Variants in ERC2 observed in about 807,000 individuals in gnomAD.
ERC2 encodes ELKS/RAB6-interacting/CAST family member 2.
ERC2 carries 42 observed loss-of-function variants against 114.8 expected under a neutral mutation model. The ratio of observed to expected loss-of-function variants is 0.37; its 90% CI spans 0.29 to 0.47. The LOEUF is 0.47. Ranked by LOEUF, ERC2 falls within the 20% of genes least tolerant of loss-of-function variation. The pLI, the probability that ERC2 is intolerant of heterozygous loss-of-function variation, is 0.99. For synonymous variants in ERC2, 454 were observed against 425.5 expected (o/e 1.07, Z -0.82); for missense variants, 939 against 1,150.7 (o/e 0.82, Z 2.66).
chr3:56,382,215 C>T (rs570600400), intron 2 of ERC2, among the ~76,000 whole-genome samples: 1 of 152,092 alleles, frequency 6.6e-6, no homozygotes, highest in East Asian at 1.9e-4. Flanking sequence ...CCATAGTAGC[C>T]CCTCCTCTTG....
chr3:56,137,384 T>C (rs1247719733), intron 6 of ERC2, among the ~76,000 whole-genome samples: 1 of 151,818 alleles, frequency 6.6e-6, no homozygotes, highest in East Asian at 1.9e-4. Flanking sequence ...ATGAATGCTC[T>C]AGAACAGCTG....
intron 2 of ERC2, among the ~76,000 whole-genome samples, chr3:56,414,501 T>A (rs926527391): frequency 6.6e-6 from 1 of 152,062 alleles, no homozygotes; most frequent in African/African-American, 2.4e-5. Context: ...GGTAGGTGGA[T>A]CACGAGGTCA....
intron 6 of ERC2, among the ~76,000 whole-genome samples, chr3:56,083,170 G>T (rs2077326847): frequency 6.6e-6 from 1 of 152,152 alleles, no homozygotes; most frequent in African/African-American, 2.4e-5. Flanking sequence ...ATCAGTAAAT[G>T]AATGGATAAA....
intron 12 of ERC2, among the ~76,000 whole-genome samples, chr3:55,960,881 T>A (rs1417746048): frequency 2.0e-5 from 3 of 152,260 alleles, no homozygotes; most frequent in Non-Finnish European, 4.4e-5. Context: ...ATGCCTGTAA[T>A]CCTAGCACTT....
chr3:56,149,255 G>T, intron 4 of ERC2, 123 bp from the exon 5 acceptor site: 1 of 885,886 alleles, frequency 1.1e-6, no homozygotes, highest in Non-Finnish European at 1.7e-6. Context: ...GGTATAGACA[G>T]CCCTGAATTT....
At chr3:56,033,352 T>C (rs1443113345) in intron 7 of ERC2, among the ~76,000 whole-genome samples, 1 of 152,248 alleles carries the variant, frequency 6.6e-6, no homozygotes, top group Admixed American at 6.5e-5. Flanking sequence ...TATGTTCCAC[T>C]ATTACAGTTT....
At chr3:56,314,677 T>C (rs374824978) in intron 2 of ERC2, among the ~76,000 whole-genome samples, 3 of 152,254 alleles carry the variant, frequency 2.0e-5, no homozygotes, top group African/African-American at 7.2e-5. Flanking sequence ...TGCCACAAGC[T>C]GGTACATGCA....
At chr3:56,409,801 C>T (rs528927676) in intron 2 of ERC2, among the ~76,000 whole-genome samples, 259 of 152,344 alleles carry the variant, frequency 1.7e-3, no homozygotes, top group African/African-American at 6.0e-3. Flanking sequence ...CTAGAAGATT[C>T]CAGCCCTCTT....
intron 17 of ERC2, among the ~76,000 whole-genome samples, chr3:55,682,164 T>C (rs1279273932): frequency 6.6e-6 from 1 of 152,258 alleles, no homozygotes. Flanking sequence ...TTAGCTTTTC[T>C]CTGTGAGTAA....
intron 7 of ERC2, among the ~76,000 whole-genome samples, chr3:56,040,693 TAG>T (rs1169694859): frequency 1.3e-4 from 18 of 142,060 alleles, no homozygotes; most frequent in African/African-American, 3.9e-4. Context: ...TATCTCTATA[TAG>T]AGAGAGATAT....
intron 4 of ERC2, among the ~76,000 whole-genome samples, chr3:56,150,714 CCAGT>C (rs2081370516): frequency 6.6e-6 from 1 of 152,072 alleles, no homozygotes; most frequent in Admixed American, 6.6e-5. Flanking sequence ...GTATATTCTG[CCAGT>C]ATTTTTCTAT....
intron 2 of ERC2, among the ~76,000 whole-genome samples, chr3:56,353,752 T>A (rs981004793): frequency 6.6e-6 from 1 of 151,616 alleles, no homozygotes; most frequent in African/African-American, 2.4e-5. Context: ...CATGTATACA[T>A]ATGTAACAAA....
intron 3 of ERC2, among the ~76,000 whole-genome samples, chr3:56,189,141 T>C (rs1282518263): frequency 6.6e-6 from 1 of 152,152 alleles, no homozygotes. Flanking sequence ...TGGGCCCACA[T>C]CTGTCATTCT....
intron 14 of ERC2, among the ~76,000 whole-genome samples, chr3:55,753,534 A>G (rs1275426693): frequency 6.6e-6 from 1 of 152,200 alleles, no homozygotes; most frequent in Non-Finnish European, 1.5e-5. Flanking sequence ...GTGATGGTGC[A>G]ATTGGATTCA....
chr3:55,688,263 A>G (rs1199617990), intron 16 of ERC2, among the ~76,000 whole-genome samples: 1 of 152,190 alleles, frequency 6.6e-6, no homozygotes, highest in African/African-American at 2.4e-5. Flanking sequence ...CAGGTTAGAA[A>G]GAGTGCTGAC....
intron 7 of ERC2, among the ~76,000 whole-genome samples, chr3:56,025,331 G>T (rs2073972062): frequency 6.6e-6 from 1 of 152,212 alleles, no homozygotes; most frequent in South Asian, 2.1e-4. Context: ...AACAGCATCA[G>T]ATCAGAAGTC....
In ERC2 at chr3:56,040,387, C is replaced by G. The variant is rs928714799; in HGVS notation, c.1642-21356G>C. Among the ~76,000 whole-genome samples the G allele has an allele frequency of 3.3e-5, 5 of 151,102 alleles. No homozygotes were observed. The South Asian group carries it at 8.4e-4, about 25-fold the overall frequency. On this transcript the variant is annotated intron_variant, in intron 7 of 17. Transcript: ENST00000288221. ...TGCCATTCTTTTAGACAGGGTCTCCCTCTGTCACCTAGGCCGGAGTGCAGT... is the reference window on the plus strand; with the variant it reads ...TGCCATTCTTTTAGACAGGGTCTCCGTCTGTCACCTAGGCCGGAGTGCAGT...
rs191291993 is a variant in ERC2, at chr3:55,772,558, C to T, written c.2565-37640G>A. 8.5e-5 allele frequency among the ~76,000 whole-genome samples: 13 copies of T among 152,334 alleles called. No individual in the cohort carries two copies. The East Asian group carries it at 9.6e-4, about 11-fold the overall frequency. ...GTCTCGATCTCCTGACCTCGTGATC[C>T]GCCTGCCTCGGCCTTCCAAAGTGCT... On this transcript the variant is annotated intron_variant, in intron 14 of 17. Coordinates refer to ENST00000288221, the MANE Select transcript of ERC2 (RefSeq NM_015576.3).
intron 2 of ERC2, among the ~76,000 whole-genome samples, chr3:56,413,743 T>C (rs1008742930): frequency 6.6e-6 from 1 of 152,364 alleles, no homozygotes; most frequent in African/African-American, 2.4e-5. Flanking sequence ...TTCTGACTTA[T>C]TGAATTTCCT....
Sources: gnomAD v4.1 joint callset for allele counts (sites outside exome capture counted in the v4.1 genomes callset) on GRCh38, gnomAD v4.1.1 for gene constraint, MANE v1.5 for transcripts, NCBI Gene and HGNC (gene_info 2026-07-23, HGNC 2026-07-21) for gene names.